Variants in PLEKHF1 observed in about 807,000 individuals in gnomAD.
The protein encoded by PLEKHF1 is pleckstrin homology and FYVE domain containing 1.
In PLEKHF1, 1 loss-of-function variant was observed where a neutral mutation model predicts 4.1. That is an observed-to-expected ratio of 0.24 (90% CI 0.09 to 1.15). The LOEUF is 1.15. Among genes scored for constraint, PLEKHF1 ranks in the 50% most tolerant of loss-of-function variants. The pLI is 0.52. For synonymous variants in PLEKHF1, 182 were observed against 178.5 expected (o/e 1.02, Z -0.16); for missense variants, 429 against 400.6 (o/e 1.07, Z -0.60).
chr19:29,668,721 GAAA>G (rs113972567), intron 1 of PLEKHF1, among the ~76,000 whole-genome samples: 1 of 119,200 alleles, frequency 8.4e-6, no homozygotes, highest in African/African-American at 3.0e-5. Context: ...CAATGTCTCA[GAAA>G]AAAAAAAAAA....
In PLEKHF1 at chr19:29,665,663, A is replaced by G. The variant is rs1423372094; in HGVS notation, c.-17+158A>G. On this transcript the variant is annotated intron_variant, in intron 1 of 1. Coordinates refer to ENST00000436066, the MANE Select transcript of PLEKHF1 (RefSeq NM_024310.5). ...GGCGCAGTGCCGCTGACTCCAGCCC[A>G]AGAAGAGGCCTGGGAAGGGCGCTCC... is the stretch of plus-strand genomic sequence containing the variant. The G allele has an allele frequency of 6.2e-6, 7 of 1,131,546 alleles. No homozygotes were observed. The East Asian group carries it at 7.3e-4, about 117-fold the overall frequency. 70.1% of individuals were successfully genotyped at this position (1,131,546 alleles called of 1,614,324 possible). A position where few individuals can be genotyped will look rare whatever the true frequency, so the allele number is the denominator to read the frequency against.
Position 29,674,282 on chromosome 19 carries a change from C to T in PLEKHF1, c.443C>T (p.Pro148Leu), listed in dbSNP as rs1240103932. ...CCGCCCAGCACGGAGCACGCGGCAC[C>T]CTGGATCCCCGACAAGGCCACGGAC... Reference protein sequence around the residue: ...GRPPSTEHAAPWIPDKATDIC... With the variant: ...GRPPSTEHAALWIPDKATDIC... The change falls in exon 2 of 2, where the codon CCC becomes CTC. Residue 148 changes from proline (P) to leucine (L), a missense_variant. By Grantham distance (98) the Pro-to-Leu change is moderately conservative. Coordinates refer to ENST00000436066, the MANE Select transcript of PLEKHF1 (RefSeq NM_024310.5). 6.3e-7 allele frequency: 1 copy of T among 1,598,084 alleles called. No homozygotes were observed. The highest frequency in any genetic ancestry group is 1.7e-5 in the Admixed American group (1 of 59,262).
At chr19:29,670,708 C>T (rs1478309645) in intron 1 of PLEKHF1, among the ~76,000 whole-genome samples, 1 of 151,536 alleles carries the variant, frequency 6.6e-6, no homozygotes, top group East Asian at 1.9e-4. Context: ...GACGGAGTCT[C>T]ACTCTGTCGC....
At chr19:29,665,858 T>A in intron 1 of PLEKHF1, 1 of 1,004,442 alleles carries the variant, frequency 1.0e-6, no homozygotes, top group Non-Finnish European at 1.2e-6. Flanking sequence ...GCTGGTGGTG[T>A]TTCCGGGATC....
rs1971636295 is a variant in PLEKHF1, at chr19:29,672,053, CA to C, written c.-16-1769del. ...CTCCAAGAATTGTGGACACAATGAA[CA>C]AGAAGAAGCTCCTGTTCTCATGGAG... On this transcript the variant is annotated intron_variant, in intron 1 of 1. Transcript: ENST00000436066. Among the ~76,000 whole-genome samples the C allele has an allele frequency of 2.0e-5, 3 of 152,000 alleles. No individual in the cohort carries two copies. In the South Asian group the frequency reaches 6.2e-4, roughly 32 times the overall value.
At position 29,673,893 on chromosome 19, in the gene PLEKHF1, GGA is replaced by G; in HGVS notation, c.58_59del (p.Ser20LeufsTer39). The G allele has an allele frequency of 1.9e-6, 3 of 1,612,030 alleles. No homozygotes were observed. Among genetic ancestry groups the G allele is most frequent in the Non-Finnish European group, 1.7e-6 (2 of 1,178,798 alleles). ...TCAACAGCCAGCGCATCGCGGCAGT[GGA>G]GAGCTGCTTCGGGGCCTCGGGGCAG... Reference protein sequence around the residue: ...EINSQRIAAVESCFGASGQPL... With the variant: ...EINSQRIAAVXSCFGASGQPL... On this transcript the variant is annotated frameshift_variant, in exon 2 of 2. Coordinates refer to ENST00000436066, the MANE Select transcript of PLEKHF1 (RefSeq NM_024310.5). LOFTEE classifies it low-confidence loss of function (END_TRUNC).
At chr19:29,668,388 G>T (rs1244335485) in intron 1 of PLEKHF1, among the ~76,000 whole-genome samples, 1 of 151,934 alleles carries the variant, frequency 6.6e-6, no homozygotes, top group Non-Finnish European at 1.5e-5. Flanking sequence ...GCTAAGCAAG[G>T]GAGGTTCACT....
chr19:29,665,918 T>G, intron 1 of PLEKHF1: 1 of 633,794 alleles, frequency 1.6e-6, no homozygotes, highest in African/African-American at 2.0e-5. Context: ...CAGTCTGCAG[T>G]CTGGAGGCCT....
intron 1 of PLEKHF1, 138 bp downstream of exon 1, chr19:29,665,643 A>C: frequency 5.2e-6 from 6 of 1,153,860 alleles, no homozygotes; most frequent in Non-Finnish European, 6.5e-6. Flanking sequence ...GGCGGGGCGC[A>C]GTGCCGCTGA....
At position 29,674,900 on chromosome 19, in the gene PLEKHF1, A is replaced by G; in HGVS notation, c.*221A>G. On this transcript the variant is annotated 3_prime_UTR_variant, in exon 2 of 2. Coordinates refer to ENST00000436066, the MANE Select transcript of PLEKHF1 (RefSeq NM_024310.5). ...CTTTCCCTTCAGGAAGCCCCAGAAC[A>G]CCCACAGGTCTTGGTAACAAACGCC... 2 of 643,544 alleles carry G rather than the reference A, an allele frequency of 3.1e-6. No homozygotes were observed. Among genetic ancestry groups the G allele is most frequent in the Non-Finnish European group, 5.1e-6 (2 of 394,512 alleles). The allele number at this position is 643,544 out of a possible 1,614,324, so 39.9% of individuals were successfully genotyped here. A position where few individuals can be genotyped will look rare whatever the true frequency, so the allele number is the denominator to read the frequency against.
intron 1 of PLEKHF1, among the ~76,000 whole-genome samples, chr19:29,668,371 C>T (rs748371497): frequency 2.6e-5 from 4 of 151,942 alleles, no homozygotes; most frequent in Non-Finnish European, 5.9e-5. Flanking sequence ...GCTTTTTTCT[C>T]CCCTGTGCTA....
chr19:29,674,311 T>G lies in PLEKHF1; in HGVS notation c.472T>G (p.Cys158Gly). ...PWIPDKATDI[C>G]MRCTQTRFSA... is the part of the protein sequence containing the mutation. The stretch of plus-strand genomic sequence containing the variant: ...GATCCCCGACAAGGCCACGGACATC[T>G]GCATGCGCTGCACGCAGACGCGCTT... Residue 158 changes from cysteine to glycine, a missense_variant, in exon 2 of 2, where the codon TGC (cysteine) becomes GGC (glycine). Cys to Gly is a radical substitution (Grantham distance 159). Coordinates refer to ENST00000436066, the MANE Select transcript of PLEKHF1 (RefSeq NM_024310.5). 6.3e-7 allele frequency: 1 copy of G among 1,585,484 alleles called. No homozygotes were observed. The highest frequency in any genetic ancestry group is 8.5e-7 in the Non-Finnish European group (1 of 1,172,736).
At position 29,675,362 on chromosome 19, in the gene PLEKHF1, C is replaced by T. The variant is rs887240412; in HGVS notation, c.*683C>T. ...ATGCCTTTTTGTCCTGTCCTCAGCT[C>T]TCCGTGTGGTCAGCGAAACCATTGT... is the stretch of plus-strand genomic sequence containing the variant. On this transcript the variant is annotated 3_prime_UTR_variant, in exon 2 of 2. Coordinates refer to ENST00000436066, the MANE Select transcript of PLEKHF1 (RefSeq NM_024310.5). 1.8e-5 allele frequency: 3 copies of T among 167,148 alleles called. No homozygotes were observed. Among genetic ancestry groups the T allele is most frequent in the African/African-American group, 7.2e-5 (3 of 41,466 alleles). 10.4% of individuals were successfully genotyped at this position (167,148 alleles called of 1,614,324 possible).
intron 1 of PLEKHF1, among the ~76,000 whole-genome samples, chr19:29,673,402 T>C (rs1971652559): frequency 6.6e-6 from 1 of 151,522 alleles, no homozygotes; most frequent in African/African-American, 2.4e-5. Context: ...TTTTTTTTTT[T>C]AAGAGATAGA....
intron 1 of PLEKHF1, among the ~76,000 whole-genome samples, chr19:29,669,844 T>C (rs1568310023): frequency 6.6e-6 from 1 of 152,216 alleles, no homozygotes; most frequent in Non-Finnish European, 1.5e-5. Context: ...GACTTTCTCC[T>C]TCCTATCTTT....
intron 1 of PLEKHF1, among the ~76,000 whole-genome samples, chr19:29,670,557 T>C (rs1971619880): frequency 6.6e-6 from 1 of 152,248 alleles, no homozygotes; most frequent in African/African-American, 2.4e-5. Context: ...CTTCCACCTC[T>C]TGGCTATTGT....
At position 29,674,952 on chromosome 19, in the gene PLEKHF1, C is replaced by T; in HGVS notation, c.*273C>T. On this transcript the variant is annotated 3_prime_UTR_variant, in exon 2 of 2. Transcript: ENST00000436066. Reference sequence around the variant, plus strand: ...CCTTACACTCTGCAGGCTGCAGCGGCAGCTCCAGATGGCCTCCTGAGCTGG... The same window carrying T: ...CCTTACACTCTGCAGGCTGCAGCGGTAGCTCCAGATGGCCTCCTGAGCTGG... 2.2e-6 allele frequency: 1 copy of T among 458,494 alleles called. No homozygotes were observed. The allele number at this position is 458,494 out of a possible 1,614,324, so 28.4% of individuals were successfully genotyped here.
At chr19:29,670,116 G>A (rs1290116981) in intron 1 of PLEKHF1, among the ~76,000 whole-genome samples, 2 of 152,102 alleles carry the variant, frequency 1.3e-5, no homozygotes, top group East Asian at 3.8e-4. Context: ...ATTTTTAGTA[G>A]AGACAGGGTT....
rs879194189 is a variant in PLEKHF1 at position 29,674,738 on chromosome 19, G to T, written c.*59G>T. 1 of 1,516,444 alleles carries T rather than the reference G, an allele frequency of 6.6e-7. No individual in the cohort carries two copies. 93.9% of individuals were successfully genotyped at this position (1,516,444 alleles called of 1,614,324 possible). A position where few individuals can be genotyped will look rare whatever the true frequency, so the allele number is the denominator to read the frequency against. On this transcript the variant is annotated 3_prime_UTR_variant, in exon 2 of 2. Transcript: ENST00000436066. ...GCTCCACTGCCCAGGCCCCCAAGAG[G>T]GCAGCTCCAGAAGCTGCCCAGGGCT...
Sources: allele counts gnomAD v4.1 joint callset (sites outside exome capture counted in the v4.1 genomes callset), GRCh38; gene constraint gnomAD v4.1.1; transcripts MANE v1.5; gene names NCBI Gene and HGNC (gene_info 2026-07-23, HGNC 2026-07-21).